KCNQ5: variants seen among roughly 807,000 people sequenced by gnomAD.
KCNQ5 encodes the protein potassium voltage-gated channel subfamily KQT member 5.
KCNQ5 carries 30 observed loss-of-function variants against 98.2 expected under a neutral mutation model. The ratio of observed to expected loss-of-function variants is 0.31; its 90% CI spans 0.23 to 0.41. The LOEUF is 0.41. Ranked by LOEUF, KCNQ5 falls within the 10% of genes least tolerant of loss-of-function variation. KCNQ5 has a pLI of 1.00. For synonymous variants in KCNQ5, 458 were observed against 449.4 expected (o/e 1.02, Z -0.24); for missense variants, 835 against 1,182.5 (o/e 0.71, Z 4.31).
chr6:72,977,885 C>T (rs1466978388), intron 1 of KCNQ5, among the ~76,000 whole-genome samples: 1 of 152,112 alleles, frequency 6.6e-6, no homozygotes, highest in East Asian at 1.9e-4. Flanking sequence ...CACTATTATA[C>T]CTTCAGCACC....
At chr6:72,657,149 A>G (rs923609425) in intron 1 of KCNQ5, among the ~76,000 whole-genome samples, 7 of 152,116 alleles carry the variant, frequency 4.6e-5, no homozygotes, top group Admixed American at 2.0e-4. Context: ...GCTTGAGGTT[A>G]TGGTGAATTA....
intron 1 of KCNQ5, among the ~76,000 whole-genome samples, chr6:72,657,866 C>T (rs540078631): frequency 6.6e-6 from 1 of 152,310 alleles, no homozygotes; most frequent in East Asian, 1.9e-4. Context: ...GTTATTCGTA[C>T]TTTGTGACTT....
rs1189361754 is a variant in KCNQ5, at chr6:72,796,181, T to C, written c.398+173594T>C. Among the ~76,000 whole-genome samples the C allele has an allele frequency of 2.6e-5, 4 of 152,306 alleles. No homozygotes were observed. In the East Asian group the frequency reaches 5.8e-4, roughly 22 times the overall value. ...CTATTATAGGCAAGTCATTATTAAA[T>C]ATAATTTATGGAAGCAGTTACAAAA... is the stretch of plus-strand genomic sequence containing the variant. On this transcript the variant is annotated intron_variant, in intron 1 of 13. Coordinates refer to ENST00000370398, the MANE Select transcript of KCNQ5 (RefSeq NM_019842.4).
intron 11 of KCNQ5, among the ~76,000 whole-genome samples, chr6:73,176,574 T>C (rs1308364872): frequency 6.6e-6 from 1 of 152,208 alleles, no homozygotes; most frequent in East Asian, 1.9e-4. Context: ...ATGTAAGGAA[T>C]GTATTGGGAA....
chr6:72,946,483 C>T (rs1009145555), intron 1 of KCNQ5, among the ~76,000 whole-genome samples: 11 of 152,136 alleles, frequency 7.2e-5, no homozygotes, highest in South Asian at 4.1e-4. Context: ...ACAAGCAAGA[C>T]GTATTGCTTA....
At chr6:72,983,401 C>T (rs889832791) in intron 1 of KCNQ5, among the ~76,000 whole-genome samples, 1 of 152,106 alleles carries the variant, frequency 6.6e-6, no homozygotes, top group Non-Finnish European at 1.5e-5. Flanking sequence ...AACTTCTCTT[C>T]TCACTTCATT....
At chr6:73,167,463 A>C (rs145917328) in intron 10 of KCNQ5, among the ~76,000 whole-genome samples, 21 of 152,324 alleles carry the variant, frequency 1.4e-4, no homozygotes, top group African/African-American at 5.1e-4. Context: ...TCTGCAACTT[A>C]CTAGCTCCGC....
rs1770033757 is a variant in KCNQ5 at position 73,010,833 on chromosome 6, G to A, written c.489+6835G>A. On this transcript the variant is annotated intron_variant, in intron 2 of 13. Coordinates refer to ENST00000370398, the MANE Select transcript of KCNQ5 (RefSeq NM_019842.4). Reference sequence around the variant, plus strand: ...ACTTAACCAAGGAGATGAAGAACTTGTACAATGAAAACTACAATAACATTG... The same window carrying A: ...ACTTAACCAAGGAGATGAAGAACTTATACAATGAAAACTACAATAACATTG... Among the ~76,000 whole-genome samples, 4 of 151,850 alleles carry A rather than the reference G, an allele frequency of 2.6e-5. No homozygotes were observed. The South Asian group carries it at 8.3e-4, about 32-fold the overall frequency.
chr6:73,164,132 C>T (rs1777709742), intron 10 of KCNQ5, among the ~76,000 whole-genome samples: 1 of 152,116 alleles, frequency 6.6e-6, no homozygotes, highest in Non-Finnish European at 1.5e-5. Context: ...TTTAACTCTT[C>T]TTTAGATCAA....
chr6:72,971,176 G>A (rs1767877093), intron 1 of KCNQ5, among the ~76,000 whole-genome samples: 1 of 152,188 alleles, frequency 6.6e-6, no homozygotes, highest in South Asian at 2.1e-4. Flanking sequence ...CCATCAACAT[G>A]TGGGTGAAGG....
intron 1 of KCNQ5, among the ~76,000 whole-genome samples, chr6:72,726,019 C>A (rs2154475547): frequency 6.6e-6 from 1 of 151,796 alleles, no homozygotes; most frequent in East Asian, 1.9e-4. Flanking sequence ...GACTTAATCC[C>A]AAAGTAATTT....
intron 1 of KCNQ5, among the ~76,000 whole-genome samples, chr6:72,647,728 G>A (rs943222981): frequency 2.1e-4 from 32 of 152,106 alleles, no homozygotes; most frequent in South Asian, 2.1e-4. Flanking sequence ...TATGTATTGC[G>A]CCATAATGAG....
At chr6:73,145,251 C>T (rs1398589361) in intron 10 of KCNQ5, among the ~76,000 whole-genome samples, 1 of 152,162 alleles carries the variant, frequency 6.6e-6, no homozygotes, top group Non-Finnish European at 1.5e-5. Flanking sequence ...ACACACATAG[C>T]CATTTTGCAG....
chr6:72,852,999 GA>G (rs1017538545), intron 1 of KCNQ5, among the ~76,000 whole-genome samples: 1 of 151,956 alleles, frequency 6.6e-6, no homozygotes, highest in Non-Finnish European at 1.5e-5. Context: ...TTATACCATG[GA>G]AAATGGCAAA....
At chr6:73,036,317 T>C (rs1582232990) in intron 2 of KCNQ5, among the ~76,000 whole-genome samples, 1 of 133,442 alleles carries the variant, frequency 7.5e-6, no homozygotes, top group Non-Finnish European at 1.5e-5. Context: ...ACCAGGGAGG[T>C]GGAGCTTGCA....
intron 1 of KCNQ5, among the ~76,000 whole-genome samples, chr6:72,740,241 G>A (rs1244185958): frequency 6.6e-6 from 1 of 152,168 alleles, no homozygotes; most frequent in Non-Finnish European, 1.5e-5. Flanking sequence ...AGCATTGGAA[G>A]TAAGAGACAA....
intron 1 of KCNQ5, among the ~76,000 whole-genome samples, chr6:72,826,587 ATGTT>A (rs912093011): frequency 1.3e-5 from 2 of 152,024 alleles, no homozygotes; most frequent in African/African-American, 4.8e-5. Context: ...TTTTAAAAAA[ATGTT>A]TGTTTGACAA....
chr6:72,635,998 G>A (rs958972307), intron 1 of KCNQ5, among the ~76,000 whole-genome samples: 3 of 151,852 alleles, frequency 2.0e-5, no homozygotes, highest in Non-Finnish European at 4.4e-5. Context: ...CCTTAAAATC[G>A]CTGAAGTTTT....
At chr6:72,782,419 C>A (rs1773531620) in intron 1 of KCNQ5, among the ~76,000 whole-genome samples, 1 of 152,160 alleles carries the variant, frequency 6.6e-6, no homozygotes, top group South Asian at 2.1e-4. Context: ...ATTGTAAGTT[C>A]TATGTGCATG....
Sources: allele counts gnomAD v4.1 joint callset (sites outside exome capture counted in the v4.1 genomes callset), GRCh38; gene constraint gnomAD v4.1.1; transcripts MANE v1.5; gene names NCBI Gene and HGNC (gene_info 2026-07-23, HGNC 2026-07-21).